The following HIPK2 variants were observed in gnomAD, a reference collection of about 807,000 sequenced individuals.
HIPK2 encodes homeodomain interacting protein kinase 2, also known as homeodomain-interacting protein kinase 2.
A neutral mutation model predicts 113.7 loss-of-function variants in HIPK2; 27 were observed. The observed-to-expected ratio is 0.24, with a 90% CI of 0.17 to 0.33. The LOEUF (loss-of-function observed/expected upper bound fraction) is 0.33, where lower values mean the gene tolerates loss of function less well. HIPK2 is among the 10% of genes least tolerant of loss of function. The pLI is 1.00. For missense variants in HIPK2, 1,257 were observed against 1,588.0 expected (o/e 0.79, Z 3.54); for synonymous variants, 631 against 642.2 (o/e 0.98, Z 0.26).
At position 139,683,831 on chromosome 7, in the gene HIPK2, G is replaced by T. The variant is rs1253879578; in HGVS notation, c.1103+32101C>A. On this transcript the variant is annotated intron_variant, in intron 2 of 14. Coordinates refer to ENST00000406875, the MANE Select transcript of HIPK2 (RefSeq NM_022740.5). This position sits in a 1 kb window ranked among gnomAD's most constrained non-coding sequence, Gnocchi z 4.2. Reference sequence around the variant, plus strand: ...ACTCACTCTCCTGTGGTTTTGAAGGGCTACAAATACTTTAGAAAATAGTTT... The same window carrying T: ...ACTCACTCTCCTGTGGTTTTGAAGGTCTACAAATACTTTAGAAAATAGTTT... Among the ~76,000 whole-genome samples the T allele has an allele frequency of 6.6e-6, 1 of 152,122 alleles. No individual in the cohort carries two copies. Among genetic ancestry groups the T allele is most frequent in the Non-Finnish European group, 1.5e-5 (1 of 68,026 alleles).
chr7:139,578,847 T>G (rs1456846634), intron 13 of HIPK2, among the ~76,000 whole-genome samples: 7 of 152,010 alleles, frequency 4.6e-5, no homozygotes, highest in Admixed American at 4.6e-4. Flanking sequence ...TTTTTTGTAT[T>G]TTTTAGTAGA....
chr7:139,594,304 C>G (rs963996164), intron 12 of HIPK2, among the ~76,000 whole-genome samples: 2 of 152,204 alleles, frequency 1.3e-5, no homozygotes, highest in Non-Finnish European at 2.9e-5. Context: ...TATTACCCTG[C>G]AAACCTCATG....
chr7:139,600,934 G>A (rs1799402839), intron 10 of HIPK2, among the ~76,000 whole-genome samples: 1 of 152,100 alleles, frequency 6.6e-6, no homozygotes, highest in Non-Finnish European at 1.5e-5. Context: ...TGTTTATCCT[G>A]AACAATATTC....
In HIPK2 at chr7:139,570,304, T is replaced by TGAAGCTTCTGAA. The variant is rs1325012958; in HGVS notation, c.*2622_*2623insTTCAGAAGCTTC. 2.6e-5 allele frequency: 4 copies of TGAAGCTTCTGAA among 152,540 alleles called. No homozygotes were observed. Among genetic ancestry groups the TGAAGCTTCTGAA allele is most frequent in the Non-Finnish European group, 5.8e-5 (4 of 68,384 alleles). 9.4% of individuals were successfully genotyped at this position (152,540 alleles called of 1,614,324 possible). A position where few individuals can be genotyped will look rare whatever the true frequency, so the allele number is the denominator to read the frequency against. ...GGGCGGGGGGGGGTCCTCTGGCTTC[T>TGAAGCTTCTGAA]GTGTCCTCTGAAGCGTTTGCTGCCC... On this transcript the variant is annotated 3_prime_UTR_variant, in exon 15 of 15. Coordinates refer to ENST00000406875, the MANE Select transcript of HIPK2 (RefSeq NM_022740.5).
At chr7:139,608,903 T>C (rs1799720802) in intron 9 of HIPK2, among the ~76,000 whole-genome samples, 1 of 152,318 alleles carries the variant, frequency 6.6e-6, no homozygotes, top group Non-Finnish European at 1.5e-5. Context: ...CAGGGAAACA[T>C]TTAAAGGCTC....
chr7:139,750,215 G>C (rs1267986865), intron 1 of HIPK2, among the ~76,000 whole-genome samples: 1 of 152,224 alleles, frequency 6.6e-6, no homozygotes, highest in Non-Finnish European at 1.5e-5. Flanking sequence ...GTCCCTTGGA[G>C]TGGTTAAATA....
At position 139,564,181 on chromosome 7, in the gene HIPK2, C is replaced by A; in HGVS notation, c.*8746G>T. 1 of 383,104 alleles carries A rather than the reference C, an allele frequency of 2.6e-6. No individual in the cohort carries two copies. Among genetic ancestry groups the A allele is most frequent in the Non-Finnish European group, 4.6e-6 (1 of 217,022 alleles). 23.7% of individuals were successfully genotyped at this position (383,104 alleles called of 1,614,324 possible). ...AGTAAAACGTAAACATAGCCTTTTA[C>A]ATTGATTTTGCTTTTAAGGGGAAAA... On this transcript the variant is annotated 3_prime_UTR_variant, in exon 15 of 15. Transcript: ENST00000406875.
chr7:139,716,722 C>T lies in HIPK2; in HGVS notation c.313G>A (p.Gly105Arg), dbSNP rs777667216. The T allele has an allele frequency of 7.4e-6, 12 of 1,613,880 alleles. No individual in the cohort carries two copies. The highest frequency in any genetic ancestry group is 2.7e-5 in the African/African-American group (2 of 75,012). ...TTGTGTGGTCCGCCGAGGACTTGCCCGGTGACAGAAGTGCTGCTTGCTGAG... is the reference window on the plus strand; with the variant it reads ...TTGTGTGGTCCGCCGAGGACTTGCCTGGTGACAGAAGTGCTGCTTGCTGAG... ...VTSASSTSVT[G>R]QVLGGPHNLM... The change falls in exon 2 of 15, where the codon GGG (glycine) becomes AGG (arginine). Residue 105 changes from glycine to arginine, a missense_variant. Gly to Arg is a moderately radical substitution (Grantham distance 125). Coordinates refer to ENST00000406875, the MANE Select transcript of HIPK2 (RefSeq NM_022740.5). The surrounding 1 kb of genome is among the most constrained non-coding windows in gnomAD (Gnocchi z 9.3).
At chr7:139,605,804 G>A (rs538634699) in intron 9 of HIPK2, among the ~76,000 whole-genome samples, 12 of 152,276 alleles carry the variant, frequency 7.9e-5, no homozygotes, top group African/African-American at 2.9e-4. Context: ...CTCTACCAAC[G>A]CTATTAACTA....
chr7:139,673,434 T>C (rs938678233), intron 2 of HIPK2, among the ~76,000 whole-genome samples: 2 of 152,186 alleles, frequency 1.3e-5, no homozygotes, highest in African/African-American at 4.8e-5. Flanking sequence ...CCTCTGAGCA[T>C]ACGGCCAAAT....
chr7:139,664,406 G>A (rs1801973614), intron 2 of HIPK2, among the ~76,000 whole-genome samples: 1 of 152,060 alleles, frequency 6.6e-6, no homozygotes, highest in Non-Finnish European at 1.5e-5. Context: ...GCATGGTGGT[G>A]GGTGCCTGTA....
Position 139,562,131 on chromosome 7 carries a change from T to TA in HIPK2, c.*10795dup, listed in dbSNP as rs1055059876. ...AAAAACAAAAGTAGACATTTATAAA[T>TA]AAAAAAGAGGGACAATTCACATAGG... On this transcript the variant is annotated 3_prime_UTR_variant, in exon 15 of 15. Coordinates refer to ENST00000406875, the MANE Select transcript of HIPK2 (RefSeq NM_022740.5). 1 of 152,130 alleles carries TA rather than the reference T, an allele frequency of 6.6e-6. No homozygotes were observed. Among genetic ancestry groups the TA allele is most frequent in the South Asian group, 2.1e-4 (1 of 4,832 alleles). The allele number at this position is 152,130 out of a possible 1,614,324, so 9.4% of individuals were successfully genotyped here.
chr7:139,588,684 G>T (rs943547512), intron 12 of HIPK2, among the ~76,000 whole-genome samples: 1 of 152,174 alleles, frequency 6.6e-6, no homozygotes, highest in Non-Finnish European at 1.5e-5. Flanking sequence ...GGCTGAGGAC[G>T]AGGAGGGAGC....
chr7:139,576,522 C>A (rs1798497171), intron 13 of HIPK2, among the ~76,000 whole-genome samples: 1 of 152,168 alleles, frequency 6.6e-6, no homozygotes, highest in Non-Finnish European at 1.5e-5. Context: ...TGTTACCCAG[C>A]CAGAGAGCCA....
chr7:139,575,872 CCTT>C, intron 13 of HIPK2, among the ~76,000 whole-genome samples: 1 of 152,220 alleles, frequency 6.6e-6, no homozygotes, highest in East Asian at 1.9e-4. Context: ...GCTCTTTTGT[CCTT>C]CTGCCTCCTG....
intron 1 of HIPK2, among the ~76,000 whole-genome samples, chr7:139,768,398 G>C (rs1796587884): frequency 2.0e-5 from 3 of 152,166 alleles, no homozygotes; most frequent in Admixed American, 2.0e-4. Flanking sequence ...TCAAGTTTTG[G>C]TGATGTCAAA....
intron 11 of HIPK2, among the ~76,000 whole-genome samples, chr7:139,598,119 C>T (rs769241839): frequency 1.1e-4 from 17 of 152,258 alleles, no homozygotes; most frequent in Admixed American, 3.3e-4. Flanking sequence ...TTTCCACTTA[C>T]GGCATCATGT....
chr7:139,648,479 C>T (rs768644527), intron 2 of HIPK2, among the ~76,000 whole-genome samples: 6 of 152,056 alleles, frequency 3.9e-5, no homozygotes, highest in South Asian at 2.1e-4. Flanking sequence ...TTGCGGCTTT[C>T]GGGTTACACA....
intron 1 of HIPK2, among the ~76,000 whole-genome samples, chr7:139,753,247 C>T (rs1309476492): frequency 6.6e-6 from 1 of 152,210 alleles, no homozygotes; most frequent in African/African-American, 2.4e-5. Context: ...CAGGCATGCC[C>T]TCTGAGAGGC....
Sources: allele counts gnomAD v4.1 joint callset (sites outside exome capture counted in the v4.1 genomes callset), GRCh38; gene constraint gnomAD v4.1.1; non-coding constraint Gnocchi (gnomAD v3.1); transcripts MANE v1.5; gene names NCBI Gene and HGNC (gene_info 2026-07-23, HGNC 2026-07-21).